The following GSTA3 variants were observed in gnomAD, a reference collection of about 807,000 sequenced individuals.
The protein encoded by GSTA3 is glutathione S-transferase A3.
In GSTA3, 16 loss-of-function variants were observed where a neutral mutation model predicts 23.1. That is an observed-to-expected ratio of 0.69 (90% CI 0.47 to 1.05). The LOEUF (loss-of-function observed/expected upper bound fraction) is 1.05. Ranked by LOEUF, GSTA3 falls within the 50% of genes least tolerant of loss-of-function variation. GSTA3 has a pLI of 0.00. For synonymous variants in GSTA3, 122 were observed against 91.0 expected, an observed-to-expected ratio of 1.34 and a Z score of -1.94; for missense variants, 319 against 263.6, an observed-to-expected ratio of 1.21 and a Z score of -1.46.
chr6:52,908,047 C>A (rs973418074), intron 1 of GSTA3, among the ~76,000 whole-genome samples: 2 of 151,638 alleles, frequency 1.3e-5, no homozygotes, highest in Admixed American at 1.3e-4. Flanking sequence ...ACTGTGAGCT[C>A]CCGGGAAGCA....
intron 1 of GSTA3, among the ~76,000 whole-genome samples, chr6:52,908,073 T>A (rs1203204473): frequency 2.0e-5 from 3 of 151,870 alleles, no homozygotes; most frequent in Non-Finnish European, 2.9e-5. Flanking sequence ...GTTGTCATAG[T>A]CTTTAAGCAC....
At chr6:52,898,078 TC>T in intron 5 of GSTA3, 122 bp from the exon 6 acceptor site, 1 of 1,109,592 alleles carries the variant, frequency 9.0e-7, no homozygotes, top group Non-Finnish European at 1.3e-6. Context: ...GGTGTGAAGG[TC>T]CAGGCCTTTG....
chr6:52,900,845 C>G (rs1373050384), intron 4 of GSTA3, among the ~76,000 whole-genome samples: 1 of 151,420 alleles, frequency 6.6e-6, no homozygotes, highest in Non-Finnish European at 1.5e-5. Flanking sequence ...CAGTCATGTT[C>G]CTTGTCCTGT....
intron 1 of GSTA3, among the ~76,000 whole-genome samples, chr6:52,909,152 C>T (rs1383297451): frequency 6.6e-6 from 1 of 152,092 alleles, no homozygotes; most frequent in Non-Finnish European, 1.5e-5. Flanking sequence ...TGATTGGTTT[C>T]CCATTTGGAA....
chr6:52,896,795 T>C lies in GSTA3; in HGVS notation c.*11A>G. The stretch of plus-strand genomic sequence containing the variant: ...TGGTCTTGCATGTTCTTAGCCTCCA[T>C]GGCTGCTTTATTAAAACCTGAAAAT... On this transcript the variant is annotated 3_prime_UTR_variant, in exon 7 of 7. Transcript: ENST00000211122. 6.2e-7 allele frequency: 1 copy of C among 1,613,880 alleles called. No homozygotes were observed. Among genetic ancestry groups the C allele is most frequent in the Non-Finnish European group, 8.5e-7 (1 of 1,179,810 alleles).
intron 4 of GSTA3, among the ~76,000 whole-genome samples, chr6:52,901,456 TCATTTCTTTTCATGAGTAA>T (rs2127358249): frequency 6.6e-6 from 1 of 152,346 alleles, no homozygotes; most frequent in South Asian, 2.1e-4. Flanking sequence ...CATCAGTACT[TCATTTCTTTTCATGAGTAA>T]ATATTGTTCC....
At chr6:52,900,587 T>C (rs985917090) in intron 4 of GSTA3, among the ~76,000 whole-genome samples, 2 of 152,150 alleles carry the variant, frequency 1.3e-5, no homozygotes, top group African/African-American at 4.8e-5. Flanking sequence ...AAACAACTTA[T>C]CGAGGTAGAT....
rs1166260496 is a variant in GSTA3 at position 52,907,186 on chromosome 6, T to G, written c.-21-1331A>C. 5.2e-5 allele frequency among the ~76,000 whole-genome samples: 6 copies of G among 115,132 alleles called. 1 individual carries two copies. The highest frequency in any genetic ancestry group is 8.3e-5 in the Non-Finnish European group (5 of 59,886). 75.5% of individuals were successfully genotyped at this position (115,132 alleles called of 152,430 possible). On this transcript the variant is annotated intron_variant, in intron 1 of 6. Coordinates refer to ENST00000211122, the MANE Select transcript of GSTA3 (RefSeq NM_000847.5). ...ACAGACACTTCTCAAAAGAAGACAT[T>G]TATGCAGCCATTAAGAGCATTTATG...
In GSTA3 at chr6:52,896,895, C is replaced by A. The variant is rs536370222; in HGVS notation, c.580G>T (p.Val194Leu). The change falls in exon 7 of 7, where the codon GTG becomes TTG. Residue 194 changes from valine to leucine, a missense_variant. Transcript: ENST00000211122. ...CTGCCAGGCTGTAGAAACTTCTTCACCGTGGGCAGGTTGCTGATTCTGGTT... is the reference window on the plus strand; with the variant it reads ...CTGCCAGGCTGTAGAAACTTCTTCAACGTGGGCAGGTTGCTGATTCTGGTT... The part of the protein sequence containing the change: ...LKTRISNLPT[V>L]KKFLQPGSPR... 6.2e-7 allele frequency: 1 copy of A among 1,614,024 alleles called. No homozygotes were observed. The highest frequency in any genetic ancestry group is 8.5e-7 in the Non-Finnish European group (1 of 1,179,928).
intron 2 of GSTA3, 42 bp downstream of exon 2, chr6:52,905,706 G>T: frequency 8.9e-7 from 1 of 1,121,396 alleles, no homozygotes; most frequent in Non-Finnish European, 1.3e-6. Flanking sequence ...TTTTGATACA[G>T]TCAATTAGGT....
intron 1 of GSTA3, among the ~76,000 whole-genome samples, chr6:52,906,551 C>G (rs1765895874): frequency 6.6e-6 from 1 of 152,168 alleles, no homozygotes; most frequent in African/African-American, 2.4e-5. Context: ...CACACTATCT[C>G]ACTTCAAACT....
At chr6:52,906,123 T>C (rs1765882627) in intron 1 of GSTA3, among the ~76,000 whole-genome samples, 1 of 152,250 alleles carries the variant, frequency 6.6e-6, no homozygotes, top group Non-Finnish European at 1.5e-5. Flanking sequence ...CACTACTGAC[T>C]TGCATTATGT....
intron 3 of GSTA3, 119 bp from the exon 4 acceptor site, chr6:52,902,597 A>C (rs1367913285): frequency 9.9e-7 from 1 of 1,005,428 alleles, no homozygotes; most frequent in Non-Finnish European, 1.5e-6. Flanking sequence ...ATTGCCTGCT[A>C]ACCTCAAAAA....
At chr6:52,897,016 G>T in intron 6 of GSTA3, 88 bp from the exon 7 acceptor site, 2 of 1,558,222 alleles carry the variant, frequency 1.3e-6, no homozygotes, top group Non-Finnish European at 1.7e-6. Context: ...CCTCCTGCCA[G>T]AGACCAAGTG....
chr6:52,908,227 A>G (rs1263127257), intron 1 of GSTA3, among the ~76,000 whole-genome samples: 1 of 151,872 alleles, frequency 6.6e-6, no homozygotes, highest in Non-Finnish European at 1.5e-5. Context: ...AGAGTAATTA[A>G]AAAACAAACT....
chr6:52,898,040 C>G, intron 5 of GSTA3, 84 bp from the exon 6 acceptor site: 1 of 1,485,606 alleles, frequency 6.7e-7, no homozygotes, highest in Non-Finnish European at 9.4e-7. Context: ...TCCAGCCTGA[C>G]ATTCCCACCT....
In GSTA3 at chr6:52,905,802, A is replaced by G. The variant is rs756330400; in HGVS notation, c.33T>C (p.Asn11=). The stretch of plus-strand genomic sequence containing the variant: ...GGATGGGCTCCATTCTGCCCCGTCC[A>G]TTGAAGTAGTGAAGCTTGGGCTTCC... MAGKPKLHYF[N]GRGRMEPIRW... is the part of the protein sequence containing the mutation. Residue 11 remains asparagine (N), a synonymous_variant, in exon 2 of 7, where the codon AAT becomes AAC. Coordinates refer to ENST00000211122, the MANE Select transcript of GSTA3 (RefSeq NM_000847.5). The G allele has an allele frequency of 1.2e-6, 2 of 1,610,536 alleles. No homozygotes were observed. Among genetic ancestry groups the G allele is most frequent in the Non-Finnish European group, 8.5e-7 (1 of 1,177,764 alleles).
At chr6:52,899,836 C>T in intron 5 of GSTA3, 98 bp downstream of exon 5, 1 of 1,137,120 alleles carries the variant, frequency 8.8e-7, no homozygotes, top group Non-Finnish European at 1.3e-6. Context: ...CAGGAAGTCT[C>T]ACTGAAAGTG....
chr6:52,897,797 T>C (rs1448108751), intron 6 of GSTA3, 28 bp downstream of exon 6: 5 of 1,612,286 alleles, frequency 3.1e-6, no homozygotes, highest in African/African-American at 2.7e-5. Flanking sequence ...TGTGGGGCTG[T>C]CTCTCTGAGG....
Sources: allele counts gnomAD v4.1 joint callset (sites outside exome capture counted in the v4.1 genomes callset), GRCh38; gene constraint gnomAD v4.1.1; transcripts MANE v1.5; gene names NCBI Gene and HGNC (gene_info 2026-07-23, HGNC 2026-07-21).